SVEP1: variants seen among roughly 807,000 people sequenced by gnomAD.
SVEP1 encodes the protein sushi, von Willebrand factor type A, EGF and pentraxin domain-containing protein 1.
A neutral mutation model predicts 367.3 loss-of-function variants in SVEP1; 164 were observed. The ratio of observed to expected loss-of-function variants is 0.45; its 90% confidence interval spans 0.39 to 0.51. The LOEUF (loss-of-function observed/expected upper bound fraction) is 0.51, where lower values mean the gene tolerates loss of function less well. Ranked by LOEUF, SVEP1 falls within the 20% of genes least tolerant of loss-of-function variation. The pLI, the probability that SVEP1 is intolerant of heterozygous loss-of-function variation, is 0.00. For missense variants in SVEP1, 4,117 were observed against 4,425.3 expected, an observed-to-expected ratio of 0.93 and a Z score of 1.98; for synonymous variants, 1,666 against 1,611.6, an observed-to-expected ratio of 1.03 and a Z score of -0.81.
chr9:110,422,999 T>C (rs989725250), intron 36 of SVEP1, among the ~76,000 whole-genome samples: 3 of 126,664 alleles, frequency 2.4e-5, no homozygotes, highest in African/African-American at 9.6e-5. Context: ...AGGGATAGCA[T>C]TGGGAGATAT....
intron 44 of SVEP1, among the ~76,000 whole-genome samples, chr9:110,378,707 A>G (rs1827388626): frequency 7.0e-6 from 1 of 143,116 alleles, no homozygotes; most frequent in South Asian, 2.3e-4. Flanking sequence ...TGGGAATTGA[A>G]CGATGAGAAC....
At chr9:110,444,092 C>T (rs1226756034) in intron 26 of SVEP1, among the ~76,000 whole-genome samples, 1 of 152,110 alleles carries the variant, frequency 6.6e-6, no homozygotes, top group African/African-American at 2.4e-5. Context: ...CATCCTTCTT[C>T]CAGAATGTAA....
In SVEP1 at chr9:110,451,397, G is replaced by T. The variant is rs183411145; in HGVS notation, c.3793C>A (p.Arg1265=). 6.2e-7 allele frequency: 1 copy of T among 1,610,566 alleles called. No individual in the cohort carries two copies. Among genetic ancestry groups the T allele is most frequent in the Admixed American group, 1.7e-5 (1 of 59,770 alleles). Residue 1265 remains arginine (R), a synonymous_variant, in exon 23 of 48, where the codon CGG becomes AGG. Coordinates refer to ENST00000374469, the MANE Select transcript of SVEP1 (RefSeq NM_153366.4). The stretch of plus-strand genomic sequence containing the variant: ...CACTCATTTATATTTTCTTCACACC[G>T]CTGACCTGCAAAGAATCATTCATCT... ...CECPSGYTGQ[R]CEENINECSS... is the part of the protein sequence containing the mutation.
At chr9:110,430,153 T>A in intron 33 of SVEP1, 121 bp downstream of exon 33, 1 of 1,172,124 alleles carries the variant, frequency 8.5e-7, no homozygotes, top group Non-Finnish European at 1.2e-6. Context: ...TGTTTAAACA[T>A]GAGCCTAATA....
At chr9:110,494,529 A>G (rs965769169) in intron 8 of SVEP1, among the ~76,000 whole-genome samples, 9 of 152,214 alleles carry the variant, frequency 5.9e-5, no homozygotes. Context: ...CAGACTATTC[A>G]ATATCAGTTA....
intron 1 of SVEP1, among the ~76,000 whole-genome samples, chr9:110,563,185 G>GA (rs1051609615): frequency 3.3e-5 from 5 of 152,002 alleles, no homozygotes; most frequent in African/African-American, 1.2e-4. Flanking sequence ...ATATCTACAT[G>GA]AAAAAATATA....
At chr9:110,514,138 T>C in intron 3 of SVEP1, 32 bp from the exon 4 acceptor site, 1 of 1,597,776 alleles carries the variant, frequency 6.3e-7, no homozygotes, top group African/African-American at 1.3e-5. Context: ...AAGTCCATGT[T>C]ATGTGGCACA....
At chr9:110,433,660 T>C (rs1045675021) in intron 30 of SVEP1, among the ~76,000 whole-genome samples, 6 of 151,782 alleles carry the variant, frequency 4.0e-5, no homozygotes, top group East Asian at 3.9e-4. Flanking sequence ...TTTGTGGAGA[T>C]AGGGTTTCAT....
chr9:110,529,067 G>C (rs571098896), intron 3 of SVEP1, among the ~76,000 whole-genome samples: 1 of 151,938 alleles, frequency 6.6e-6, no homozygotes, highest in African/African-American at 2.4e-5. Context: ...TGAGAGACAG[G>C]TATCCAGTTT....
intron 15 of SVEP1, 93 bp downstream of exon 15, chr9:110,472,066 T>C: frequency 7.8e-7 from 1 of 1,280,582 alleles, no homozygotes; most frequent in Non-Finnish European, 1.1e-6. Context: ...AGTCATTTCC[T>C]AATAATGATA....
In SVEP1 at chr9:110,432,642, G is replaced by A. The variant is rs1402408935; in HGVS notation, c.5060-7C>T. 6 of 1,596,588 alleles carry A rather than the reference G, an allele frequency of 3.8e-6. No individual in the cohort carries two copies. In the Admixed American group the frequency reaches 9.1e-5, roughly 24 times the overall value. ...GGCACCCCACAGCTAATGCCTGTAA[G>A]GTGACCAGGAAGAAGACAACGACAT... On this transcript the variant is annotated splice_region_variant and splice_polypyrimidine_tract_variant and intron_variant, in intron 30 of 47. Coordinates refer to ENST00000374469, the MANE Select transcript of SVEP1 (RefSeq NM_153366.4).
chr9:110,408,031 A>G lies in SVEP1; in HGVS notation c.7569T>C (p.Ser2523=). 1 of 1,614,028 alleles carries G rather than the reference A, an allele frequency of 6.2e-7. No individual in the cohort carries two copies. The highest frequency in any genetic ancestry group is 8.5e-7 in the Non-Finnish European group (1 of 1,179,890). ...CTTCGAGCCGAAAGCCTCGGTTGCA[A>G]GAGTAGGTAACGGTCTGTCCATAGT... The part of the protein sequence containing the change: ...DLHYGQTVTY[S]CNRGFRLEGP... The change falls in exon 38 of 48, where the codon TCT becomes TCC. Residue 2523 remains serine (S), a synonymous_variant. Coordinates refer to ENST00000374469, the MANE Select transcript of SVEP1 (RefSeq NM_153366.4).
chr9:110,391,850 A>T (rs1280867324), intron 40 of SVEP1, among the ~76,000 whole-genome samples: 3 of 152,024 alleles, frequency 2.0e-5, no homozygotes, highest in Non-Finnish European at 4.4e-5. Context: ...TGTAAAGTAG[A>T]TTGCCCTCGC....
At chr9:110,524,737 G>A (rs1397055127) in intron 3 of SVEP1, among the ~76,000 whole-genome samples, 2 of 147,546 alleles carry the variant, frequency 1.4e-5, no homozygotes, top group African/African-American at 5.1e-5. Flanking sequence ...TTTTAAGCAG[G>A]GTCTCACTCT....
rs753387285 is a variant in SVEP1 at position 110,365,905 on chromosome 9, T to G, written c.*634A>C. 1 of 152,206 alleles carries G rather than the reference T, an allele frequency of 6.6e-6. No individual in the cohort carries two copies. Among genetic ancestry groups the G allele is most frequent in the African/African-American group, 2.4e-5 (1 of 41,452 alleles). The allele number at this position is 152,206 out of a possible 1,614,324, so 9.4% of individuals were successfully genotyped here. A position where few individuals can be genotyped will look rare whatever the true frequency, so the allele number is the denominator to read the frequency against. On this transcript the variant is annotated 3_prime_UTR_variant, in exon 48 of 48. Transcript: ENST00000374469. ...AAGTTAATGCCTACGGCTTTTCAAA[T>G]GTTGTGAAAAGAATTAGCCAGGCTA...
At chr9:110,429,773 T>G (rs1444988720) in intron 34 of SVEP1, 147 bp downstream of exon 34, 1 of 633,730 alleles carries the variant, frequency 1.6e-6, no homozygotes, top group African/African-American at 1.8e-5. Flanking sequence ...TTAAGATTTG[T>G]TCACACTATG....
At chr9:110,574,822 G>A (rs80253943) in intron 1 of SVEP1, among the ~76,000 whole-genome samples, 2 of 142,278 alleles carry the variant, frequency 1.4e-5, no homozygotes, top group African/African-American at 5.2e-5. Flanking sequence ...CTCGGCTCAC[G>A]GCAAGCTCCG....
chr9:110,382,682 C>G (rs1827455507), intron 43 of SVEP1, among the ~76,000 whole-genome samples: 1 of 152,186 alleles, frequency 6.6e-6, no homozygotes. Context: ...GTTCTATACT[C>G]ATCTCTTTCA....
At chr9:110,368,580 C>T (rs1025834048) in intron 47 of SVEP1, among the ~76,000 whole-genome samples, 3 of 152,170 alleles carry the variant, frequency 2.0e-5, no homozygotes, top group Admixed American at 2.0e-4. Context: ...ATCATGCAAA[C>T]TCTCTCTGGG....
Sources: gnomAD v4.1 joint callset for allele counts (sites outside exome capture counted in the v4.1 genomes callset) on GRCh38, gnomAD v4.1.1 for gene constraint, MANE v1.5 for transcripts, NCBI Gene and HGNC (gene_info 2026-07-23, HGNC 2026-07-21) for gene names.